ABI3BP: variants seen among roughly 807,000 people sequenced by gnomAD.
ABI3BP encodes target of Nesh-SH3.
Under a neutral mutation model 268.6 loss-of-function variants are expected in ABI3BP, and 216 were observed. That is an observed-to-expected ratio of 0.80 (90% CI 0.72 to 0.90). The LOEUF is 0.90. Ranked by LOEUF, ABI3BP falls within the 40% of genes least tolerant of loss-of-function variation. The pLI, the probability that ABI3BP is intolerant of heterozygous loss-of-function variation, is 0.00. For missense variants in ABI3BP, 2,090 were observed against 2,182.4 expected (o/e 0.96, Z 0.84); for synonymous variants, 730 against 730.0 (o/e 1.00, Z 0.00).
rs148600495 is a variant in ABI3BP, at chr3:100,753,254, A to G, written c.4961-306T>C. Among the ~76,000 whole-genome samples the G allele has an allele frequency of 6.4e-3, 978 of 151,976 alleles. 8 individuals carry two copies. Among genetic ancestry groups the G allele is most frequent in the African/African-American group, 0.021 (887 of 41,464 alleles). ...TGTAGCATGTTATAAAGTTTAGACA[A>G]CTGCTTTAATATGACTTGTTATTAA... On this transcript the variant is annotated intron_variant, in intron 65 of 67. Transcript: ENST00000471714.
intron 51 of ABI3BP, among the ~76,000 whole-genome samples, chr3:100,801,036 T>C (rs115871523): frequency 1.3e-5 from 2 of 152,306 alleles, no homozygotes; most frequent in South Asian, 4.1e-4. Flanking sequence ...AGAGATTATA[T>C]CTAATTCTTT....
intron 46 of ABI3BP, 47 bp from the exon 47 acceptor site, chr3:100,811,846 C>T (rs774332256): frequency 2.2e-6 from 3 of 1,344,784 alleles, no homozygotes; most frequent in Non-Finnish European, 3.1e-6. Context: ...CAACCCAAAG[C>T]ACACTGTAAT....
At chr3:100,879,324 T>A (rs535782131) in intron 6 of ABI3BP, among the ~76,000 whole-genome samples, 6 of 152,284 alleles carry the variant, frequency 3.9e-5, no homozygotes, top group African/African-American at 1.4e-4. Context: ...CAATAATCAT[T>A]TTTGTTCAGG....
At chr3:100,970,421 T>C (rs758225212) in intron 1 of ABI3BP, among the ~76,000 whole-genome samples, 2 of 152,230 alleles carry the variant, frequency 1.3e-5, no homozygotes, top group Non-Finnish European at 2.9e-5. Context: ...ACAAAGTACA[T>C]GATGCCCAAC....
rs1217027937 is a variant in ABI3BP, at chr3:100,859,346, G to A, written c.1285+2965C>T. On this transcript the variant is annotated intron_variant, in intron 14 of 67. Transcript: ENST00000471714. ...GTAATTGTGGCTTTTGCCATTAAAA[G>A]TAATGGCAAAAACTGCAATTACGTT... Among the ~76,000 whole-genome samples the A allele has an allele frequency of 5.9e-5, 9 of 152,104 alleles. No individual in the cohort carries two copies. The South Asian group carries it at 1.9e-3, about 32-fold the overall frequency.
intron 2 of ABI3BP, among the ~76,000 whole-genome samples, chr3:100,912,716 G>A (rs550603730): frequency 2.0e-5 from 3 of 152,136 alleles, no homozygotes; most frequent in East Asian, 1.9e-4. Flanking sequence ...CTCCTGTACC[G>A]CATTTCATCA....
chr3:100,885,745 T>C (rs2041686300), intron 5 of ABI3BP, among the ~76,000 whole-genome samples, 157 bp from the exon 6 acceptor site: 1 of 152,086 alleles, frequency 6.6e-6, no homozygotes, highest in African/African-American at 2.4e-5. Flanking sequence ...GAAGTTTTAA[T>C]GACGGGATGA....
intron 9 of ABI3BP, among the ~76,000 whole-genome samples, chr3:100,869,366 T>G (rs1182284868): frequency 3.0e-5 from 4 of 131,646 alleles, no homozygotes; most frequent in African/African-American, 1.2e-4. Context: ...TGAGTCAGGG[T>G]CTCACTCTGT....
chr3:100,934,813 CCA>C (rs2065312917), intron 1 of ABI3BP, among the ~76,000 whole-genome samples: 1 of 152,022 alleles, frequency 6.6e-6, no homozygotes, highest in African/African-American at 2.4e-5. Flanking sequence ...TATCCTTCAC[CCA>C]CTTTTTGATG....
intron 4 of ABI3BP, among the ~76,000 whole-genome samples, chr3:100,893,382 C>T (rs2045686394): frequency 1.3e-5 from 2 of 152,064 alleles, no homozygotes; most frequent in South Asian, 4.1e-4. Context: ...TAACAAACTC[C>T]CCTTCATGTA....
chr3:100,983,446 T>C (rs2090511045), intron 1 of ABI3BP, among the ~76,000 whole-genome samples: 1 of 152,242 alleles, frequency 6.6e-6, no homozygotes, highest in African/African-American at 2.4e-5. Context: ...ACTCCTATAT[T>C]TTGCACTGAA....
chr3:100,815,887 T>A (rs1050660834), intron 44 of ABI3BP, 25 bp downstream of exon 44: 2 of 1,509,634 alleles, frequency 1.3e-6, no homozygotes, highest in African/African-American at 2.8e-5. Flanking sequence ...AAAAAGCATT[T>A]AATGCAAGTC....
chr3:100,844,067 G>A lies in ABI3BP; in HGVS notation c.1724-2028C>T, dbSNP rs1009653898. 8.1e-5 allele frequency: 79 copies of A among 981,100 alleles called. 1 individual carries two copies. Among genetic ancestry groups the A allele is most frequent in the South Asian group, 1.9e-4 (4 of 21,206 alleles). 60.8% of individuals were successfully genotyped at this position (981,100 alleles called of 1,614,324 possible). On this transcript the variant is annotated intron_variant, in intron 20 of 67. Coordinates refer to ENST00000471714, the MANE Select transcript of ABI3BP (RefSeq NM_001375547.2). The stretch of plus-strand genomic sequence containing the variant: ...TAAAAATAAATATATCTTCTGACAC[G>A]CCTTCTATTTGACAATCATAAGGTA...
At position 100,770,302 on chromosome 3, in the gene ABI3BP, T is replaced by C. The variant is rs768105729; in HGVS notation, c.4741+441A>G. 1.6e-4 allele frequency among the ~76,000 whole-genome samples: 24 copies of C among 152,168 alleles called. No individual in the cohort carries two copies. In the East Asian group the frequency reaches 4.3e-3, roughly 27 times the overall value. ...AAAATTTCTTAAGATGAGAAGAAAA[T>C]TGATCAGGAATAGAATTTTTGTTTT... On this transcript the variant is annotated intron_variant, in intron 62 of 67. Coordinates refer to ENST00000471714, the MANE Select transcript of ABI3BP (RefSeq NM_001375547.2).
chr3:100,955,145 G>T (rs935408658), intron 1 of ABI3BP, among the ~76,000 whole-genome samples: 3 of 152,026 alleles, frequency 2.0e-5, no homozygotes, highest in Non-Finnish European at 4.4e-5. Context: ...TTGATGTTGA[G>T]AATCCCAGCT....
chr3:100,838,165 C>A, intron 26 of ABI3BP, 45 bp downstream of exon 26: 1 of 1,486,070 alleles, frequency 6.7e-7, no homozygotes, highest in South Asian at 1.2e-5. Flanking sequence ...AGCAATGTTT[C>A]CAAAGAAAAT....
At chr3:100,953,039 G>T (rs1356242096) in intron 1 of ABI3BP, among the ~76,000 whole-genome samples, 3 of 152,018 alleles carry the variant, frequency 2.0e-5, no homozygotes, top group South Asian at 2.1e-4. Flanking sequence ...TGTCATCTTT[G>T]ATTCTTTTCA....
intron 1 of ABI3BP, among the ~76,000 whole-genome samples, chr3:100,983,567 C>T (rs1255775215): frequency 1.3e-5 from 2 of 152,138 alleles, no homozygotes; most frequent in Admixed American, 6.5e-5. Flanking sequence ...TAGCTTAGCT[C>T]CTGCAAATGT....
At chr3:100,871,339 A>G (rs1034224901) in intron 9 of ABI3BP, among the ~76,000 whole-genome samples, 10 of 152,224 alleles carry the variant, frequency 6.6e-5, no homozygotes, top group African/African-American at 2.2e-4. Flanking sequence ...TTTTAAAGAA[A>G]CATGGTCTAC....
Sources: gnomAD v4.1 joint callset for allele counts (sites outside exome capture counted in the v4.1 genomes callset) on GRCh38, gnomAD v4.1.1 for gene constraint, MANE v1.5 for transcripts, NCBI Gene and HGNC (gene_info 2026-07-23, HGNC 2026-07-21) for gene names.